The following DGLUCY variants were observed in gnomAD, a reference collection of about 807,000 sequenced individuals.
The protein encoded by DGLUCY is D-glutamate cyclase, mitochondrial.
Under a neutral mutation model 58.5 loss-of-function variants are expected in DGLUCY, and 58 were observed. The observed-to-expected ratio is 0.99, with a 90% CI of 0.80 to 1.23. The LOEUF is 1.23. Ranked by LOEUF, DGLUCY falls within the 50% of genes most tolerant of loss-of-function variation. The pLI is 0.00. For missense variants in DGLUCY, 779 were observed against 784.7 expected, an observed-to-expected ratio of 0.99 and a Z score of 0.09; for synonymous variants, 325 against 314.1, an observed-to-expected ratio of 1.03 and a Z score of -0.37.
chr14:91,196,859 A>C (rs1400758376), intron 10 of DGLUCY, among the ~76,000 whole-genome samples: 1 of 152,226 alleles, frequency 6.6e-6, no homozygotes, highest in African/African-American at 2.4e-5. Flanking sequence ...AAAATGAAAT[A>C]GAAATACAGC....
Position 91,124,572 on chromosome 14 carries a change from C to G in DGLUCY, c.-82+10289C>G, listed in dbSNP as rs144987112. 6.0e-3 allele frequency among the ~76,000 whole-genome samples: 917 copies of G among 152,232 alleles called. 5 individuals carry two copies. Among genetic ancestry groups the G allele is most frequent in the Non-Finnish European group, 9.5e-3 (647 of 68,004 alleles). ...TGGTGGAAGGCCGTGTTGCCCGGGC[C>G]AAGGAAAGTGTCCTGTTACACAGGG... On this transcript the variant is annotated intron_variant, in intron 1 of 13. Coordinates refer to ENST00000256324, the MANE Select transcript of DGLUCY (RefSeq NM_001102368.3).
upstream of DGLUCY, among the ~76,000 whole-genome samples, chr14:91,107,082 A>G (rs1409596542): frequency 1.3e-5 from 2 of 152,230 alleles, no homozygotes; most frequent in Non-Finnish European, 2.9e-5. Flanking sequence ...CCTGATGTCC[A>G]CAAATGTCCA....
chr14:91,171,929 C>T (rs1239093096), intron 5 of DGLUCY, among the ~76,000 whole-genome samples: 2 of 152,154 alleles, frequency 1.3e-5, no homozygotes, highest in South Asian at 2.1e-4. Context: ...TCCCTCTGCC[C>T]GTGATTCACC....
intron 13 of DGLUCY, among the ~76,000 whole-genome samples, chr14:91,223,115 A>G (rs1887747089): frequency 6.6e-6 from 1 of 152,256 alleles, no homozygotes; most frequent in Non-Finnish European, 1.5e-5. Context: ...TATTGAGTCC[A>G]TAACACCCTG....
exon 1 of DGLUCY, chr14:91,060,549 AGAACTCG>A: frequency 8.3e-7 from 1 of 1,198,686 alleles, no homozygotes. Flanking sequence ...CGGCGGCTCC[AGAACTCG>A]GACGCAAAGA....
intron 1 of DGLUCY, among the ~76,000 whole-genome samples, chr14:91,078,876 T>TTTTTTTTATTTA (rs1555388800): frequency 5.1e-5 from 7 of 136,754 alleles, no homozygotes; most frequent in South Asian, 2.4e-4. Context: ...TATTTTTAAT[T>TTTTTTTTATTTA]TTTATTTATT....
intron 1 of DGLUCY, among the ~76,000 whole-genome samples, chr14:91,142,084 G>A (rs2046727551): frequency 6.6e-6 from 1 of 152,098 alleles, no homozygotes; most frequent in African/African-American, 2.4e-5. Context: ...GACCTCAGGT[G>A]ATCCATCTGC....
chr14:91,181,493 A>T (rs762701447), intron 8 of DGLUCY, 104 bp downstream of exon 8: 4 of 1,153,238 alleles, frequency 3.5e-6, no homozygotes, highest in Non-Finnish European at 4.9e-6. Flanking sequence ...TGCAAAATGT[A>T]TCCACAGGAT....
At chr14:91,167,812 A>C in intron 4 of DGLUCY, 1 of 622,926 alleles carries the variant, frequency 1.6e-6, no homozygotes, top group Non-Finnish European at 2.9e-6. Flanking sequence ...GGGTCGGTGT[A>C]CCTCTCCCAC....
chr14:91,074,808 C>T (rs924589005), intron 1 of DGLUCY, among the ~76,000 whole-genome samples: 18 of 152,102 alleles, frequency 1.2e-4, no homozygotes, highest in African/African-American at 4.3e-4. Flanking sequence ...CATGGTGGCT[C>T]ATGCCTGTAA....
intron 7 of DGLUCY, among the ~76,000 whole-genome samples, chr14:91,178,716 T>C (rs1475286775): frequency 6.6e-6 from 1 of 152,240 alleles, no homozygotes; most frequent in Non-Finnish European, 1.5e-5. Flanking sequence ...TTTGAAGTGC[T>C]GGCTGACTCT....
chr14:91,141,205 G>A (rs2046648132), intron 1 of DGLUCY, among the ~76,000 whole-genome samples: 1 of 151,972 alleles, frequency 6.6e-6, no homozygotes, highest in African/African-American at 2.4e-5. Context: ...GGCCAACATG[G>A]TGAATCCCTG....
chr14:91,117,399 A>G (rs2045037572), intron 1 of DGLUCY, among the ~76,000 whole-genome samples: 1 of 152,056 alleles, frequency 6.6e-6, no homozygotes, highest in African/African-American at 2.4e-5. Context: ...TCTCAGCCTT[A>G]TTTTACCCAG....
At chr14:91,122,602 G>GTTTTT (rs60627604) in intron 1 of DGLUCY, among the ~76,000 whole-genome samples, 19,772 of 104,566 alleles carry the variant, frequency 0.19, 4,835 homozygotes, top group African/African-American at 0.41. Flanking sequence ...AAAGAAAAAA[G>GTTTTT]TTTTTTTTTT....
At chr14:91,169,461 G>C (rs1283575264) in intron 4 of DGLUCY, among the ~76,000 whole-genome samples, 1 of 151,142 alleles carries the variant, frequency 6.6e-6, no homozygotes, top group Non-Finnish European at 1.5e-5. Flanking sequence ...GGCTGGAGTA[G>C]TGCAGTGGCA....
upstream of DGLUCY, among the ~76,000 whole-genome samples, chr14:91,103,459 A>G (rs1595646925): frequency 6.6e-6 from 1 of 152,104 alleles, no homozygotes; most frequent in Admixed American, 6.6e-5. Context: ...CTTGGCTGGG[A>G]AAATAGAAGC....
chr14:91,164,543 G>A (rs560961900), intron 3 of DGLUCY, among the ~76,000 whole-genome samples: 1 of 152,148 alleles, frequency 6.6e-6, no homozygotes, highest in South Asian at 2.1e-4. Flanking sequence ...TCTGCTTTAG[G>A]GGGCACCTCA....
chr14:91,188,459 A>T (rs1017898601), intron 8 of DGLUCY, among the ~76,000 whole-genome samples: 1 of 152,180 alleles, frequency 6.6e-6, no homozygotes, highest in Admixed American at 6.5e-5. Context: ...AGTCTCTGCC[A>T]CAGCCCTCAA....
intron 1 of DGLUCY, among the ~76,000 whole-genome samples, chr14:91,131,132 T>C (rs976675660): frequency 6.6e-6 from 1 of 152,136 alleles, no homozygotes. Flanking sequence ...GTATTTTTAG[T>C]AGAGACGAGG....
Sources: gnomAD v4.1 joint callset for allele counts (sites outside exome capture counted in the v4.1 genomes callset) on GRCh38, gnomAD v4.1.1 for gene constraint, MANE v1.5 for transcripts, NCBI Gene and HGNC (gene_info 2026-07-23, HGNC 2026-07-21) for gene names.